Variants in FSTL5 observed in about 807,000 individuals in gnomAD.
FSTL5 encodes the protein follistatin-related protein 5.
FSTL5 carries 62 observed loss-of-function variants against 89.1 expected under a neutral mutation model. The observed-to-expected ratio is 0.70, with a 90% confidence interval of 0.57 to 0.86. The LOEUF is 0.86. Among genes scored for constraint, FSTL5 ranks in the 40% least tolerant of loss-of-function variants. FSTL5 has a pLI of 0.00. For missense variants in FSTL5, 1,057 were observed against 1,001.6 expected, an observed-to-expected ratio of 1.06 and a Z score of -0.75; for synonymous variants, 383 against 346.2, an observed-to-expected ratio of 1.11 and a Z score of -1.18.
chr4:161,510,407 T>C lies in FSTL5; in HGVS notation c.1330A>G (p.Arg444Gly). The change falls in exon 11 of 16, where the codon AGA becomes GGA. Residue 444 changes from arginine (R) to glycine (G), a missense_variant. Arg to Gly is a moderately radical substitution (Grantham distance 125, BLOSUM62 -2). This residue lies in a region of FSTL5 where 980 missense variants were observed against 903.2 expected (regional missense o/e 1.08). Transcript: ENST00000306100. ...ARKTLANILW[R>G]EEGLGIGNMF... Reference sequence around the variant, plus strand: ...TAATTCAACTTAGTACCTTCTTCTCTCCATAATATGTTAGCTACTGCAGCA... The same window carrying C: ...TAATTCAACTTAGTACCTTCTTCTCCCCATAATATGTTAGCTACTGCAGCA... The C allele has an allele frequency of 6.5e-7, 1 of 1,537,698 alleles. No individual in the cohort carries two copies. The highest frequency in any genetic ancestry group is 8.7e-7 in the Non-Finnish European group (1 of 1,143,124).
chr4:161,784,267 C>T (rs1741799439), intron 4 of FSTL5, among the ~76,000 whole-genome samples: 1 of 151,958 alleles, frequency 6.6e-6, no homozygotes, highest in South Asian at 2.1e-4. Context: ...CTACATAGGC[C>T]TTAACAGTTT....
chr4:161,454,855 G>C, intron 15 of FSTL5, 149 bp downstream of exon 15: 1 of 641,068 alleles, frequency 1.6e-6, no homozygotes, highest in East Asian at 3.1e-5. Context: ...GATAAACAAA[G>C]GTTCAGTAAG....
At chr4:161,989,985 A>G (rs1736067504) in intron 3 of FSTL5, among the ~76,000 whole-genome samples, 1 of 152,172 alleles carries the variant, frequency 6.6e-6, no homozygotes, top group Non-Finnish European at 1.5e-5. Context: ...GACATTTACA[A>G]TTTAAGTATA....
At chr4:161,977,314 G>T (rs909926772) in intron 3 of FSTL5, among the ~76,000 whole-genome samples, 4 of 151,824 alleles carry the variant, frequency 2.6e-5, no homozygotes, top group Non-Finnish European at 5.9e-5. Flanking sequence ...ACCACAATTT[G>T]AAAATAATCA....
intron 2 of FSTL5, among the ~76,000 whole-genome samples, chr4:162,101,177 A>G (rs1488477337): frequency 1.3e-5 from 2 of 152,204 alleles, no homozygotes; most frequent in Non-Finnish European, 2.9e-5. Flanking sequence ...ACTACCTCCT[A>G]TAAAGCAAAC....
intron 1 of FSTL5, among the ~76,000 whole-genome samples, chr4:162,148,945 G>A (rs1733116890): frequency 6.6e-6 from 1 of 152,092 alleles, no homozygotes; most frequent in Non-Finnish European, 1.5e-5. Flanking sequence ...AACAAGCCAA[G>A]CAATCAATCA....
intron 4 of FSTL5, among the ~76,000 whole-genome samples, chr4:161,785,032 C>A (rs549864633): frequency 7.2e-5 from 11 of 151,852 alleles, no homozygotes; most frequent in African/African-American, 2.2e-4. Flanking sequence ...CAGATTTTAA[C>A]TCATTTAATC....
In FSTL5 at chr4:161,385,693, A is replaced by C; in HGVS notation, c.*54T>G. 1 of 1,239,048 alleles carries C rather than the reference A, an allele frequency of 8.1e-7. No homozygotes were observed. Among genetic ancestry groups the C allele is most frequent in the South Asian group, 1.5e-5 (1 of 68,080 alleles). The allele number at this position is 1,239,048 out of a possible 1,614,324, so 76.8% of individuals were successfully genotyped here. On this transcript the variant is annotated 3_prime_UTR_variant, in exon 16 of 16. Transcript: ENST00000306100. ...GTTAAGTTGTAAATTTAAACAATGG[A>C]TTAAGTGCAATGTATTGTAAAACGC...
In FSTL5 at chr4:161,884,872, T is replaced by C. The variant is rs72691266; in HGVS notation, c.409+35532A>G. On this transcript the variant is annotated intron_variant, in intron 4 of 15. Coordinates refer to ENST00000306100, the MANE Select transcript of FSTL5 (RefSeq NM_020116.5). The stretch of plus-strand genomic sequence containing the variant: ...GATCTCATAGACCAAATTCAATTTC[T>C]GCAATTGAAAATTGAGAAATATCAG... Among the ~76,000 whole-genome samples, 970 of 152,324 alleles carry C rather than the reference T, an allele frequency of 6.4e-3. 8 individuals are homozygous for C. The highest frequency in any genetic ancestry group is 0.01 in the Non-Finnish European group (697 of 68,020).
At chr4:161,627,157 G>T (rs1735341460) in intron 7 of FSTL5, among the ~76,000 whole-genome samples, 1 of 152,152 alleles carries the variant, frequency 6.6e-6, no homozygotes, top group Non-Finnish European at 1.5e-5. Flanking sequence ...ATGCTGCAGA[G>T]AAATCTTTCA....
intron 3 of FSTL5, among the ~76,000 whole-genome samples, chr4:162,024,554 G>A (rs568640374): frequency 6.6e-6 from 1 of 152,080 alleles, no homozygotes; most frequent in Non-Finnish European, 1.5e-5. Context: ...CACAGCAGTT[G>A]TTTCTAAATG....
intron 4 of FSTL5, among the ~76,000 whole-genome samples, chr4:161,876,681 A>G (rs1474497621): frequency 3.3e-5 from 5 of 152,198 alleles, no homozygotes; most frequent in Non-Finnish European, 7.3e-5. Context: ...TCAAGGCTGC[A>G]GTAAGCTATG....
At chr4:161,686,778 A>G (rs6817344) in intron 6 of FSTL5, among the ~76,000 whole-genome samples, 133,878 of 152,034 alleles carry the variant, frequency 0.88, 59,375 homozygotes, top group Non-Finnish European at 0.94. Context: ...ATTTTGTTCT[A>G]AATTGTAACT....
intron 2 of FSTL5, among the ~76,000 whole-genome samples, chr4:162,082,764 C>A (rs1276758888): frequency 6.6e-6 from 1 of 151,224 alleles, no homozygotes; most frequent in African/African-American, 2.4e-5. Context: ...ATGTCAGGAT[C>A]ATATTAAATT....
chr4:162,050,134 T>C (rs1404948266), intron 2 of FSTL5, among the ~76,000 whole-genome samples: 1 of 151,866 alleles, frequency 6.6e-6, no homozygotes, highest in Non-Finnish European at 1.5e-5. Flanking sequence ...GTTAAATAAG[T>C]TGTAAAATAA....
chr4:161,399,116 G>A (rs1731098037), intron 15 of FSTL5, among the ~76,000 whole-genome samples: 1 of 152,064 alleles, frequency 6.6e-6, no homozygotes, highest in Non-Finnish European at 1.5e-5. Flanking sequence ...ATGGACTGAA[G>A]AGATACATGC....
intron 4 of FSTL5, 123 bp downstream of exon 4, chr4:161,920,281 C>T: frequency 1.2e-6 from 1 of 860,570 alleles, no homozygotes; most frequent in Non-Finnish European, 1.8e-6. Flanking sequence ...AGTACTTAGG[C>T]TATTTTGTGT....
chr4:161,474,071 T>C (rs1292259503), intron 13 of FSTL5, among the ~76,000 whole-genome samples: 1 of 152,208 alleles, frequency 6.6e-6, no homozygotes, highest in African/African-American at 2.4e-5. Context: ...AGTTATTTTT[T>C]TGTAATGAAA....
intron 6 of FSTL5, among the ~76,000 whole-genome samples, chr4:161,736,004 T>C (rs1471191096): frequency 6.6e-6 from 1 of 152,138 alleles, no homozygotes; most frequent in Non-Finnish European, 1.5e-5. Flanking sequence ...AAAACTGATA[T>C]GGGCTGATCT....
Sources: gnomAD v4.1 joint callset for allele counts (sites outside exome capture counted in the v4.1 genomes callset) on GRCh38, gnomAD v4.1.1 for gene constraint, gnomAD v4.1.1 regional missense constraint, MANE v1.5 for transcripts, NCBI Gene and HGNC (gene_info 2026-07-23, HGNC 2026-07-21) for gene names.